Variants in BCL2L13 observed in about 807,000 individuals in gnomAD.
BCL2L13 encodes BCL2 like 13.
In BCL2L13, 13 loss-of-function variants were observed where a neutral mutation model predicts 25.8. The ratio of observed to expected loss-of-function variants is 0.50; its 90% CI spans 0.33 to 0.80. The LOEUF is 0.80. BCL2L13 is among the 30% of genes least tolerant of loss of function. The pLI is 0.02. For missense variants in BCL2L13, 504 were observed against 574.9 expected, an observed-to-expected ratio of 0.88 and a Z score of 1.26; for synonymous variants, 244 against 230.3, an observed-to-expected ratio of 1.06 and a Z score of -0.54.
At chr22:17,671,482 G>T (rs904501370) in intron 2 of BCL2L13, among the ~76,000 whole-genome samples, 1 of 150,544 alleles carries the variant, frequency 6.6e-6, no homozygotes, top group African/African-American at 2.4e-5. Context: ...CAGGGGAATC[G>T]CTTGAACCTG....
chr22:17,658,279 A>G (rs1041534989), intron 2 of BCL2L13, among the ~76,000 whole-genome samples: 2 of 152,216 alleles, frequency 1.3e-5, no homozygotes, highest in African/African-American at 2.4e-5. Context: ...ATGAATATGT[A>G]TGTATGTATT....
intron 2 of BCL2L13, among the ~76,000 whole-genome samples, chr22:17,680,885 G>C (rs2059732763): frequency 6.6e-6 from 1 of 152,124 alleles, no homozygotes; most frequent in Non-Finnish European, 1.5e-5. Flanking sequence ...GCTGCCTATA[G>C]TTTCTTCATA....
intron 6 of BCL2L13, among the ~76,000 whole-genome samples, chr22:17,726,362 A>C (rs1043790144): frequency 3.5e-4 from 53 of 152,012 alleles, no homozygotes; most frequent in African/African-American, 1.1e-3. Context: ...AAAAAAAAAA[A>C]AAAAAAACCT....
At chr22:17,678,160 C>T (rs901604159) in intron 2 of BCL2L13, among the ~76,000 whole-genome samples, 50 of 152,172 alleles carry the variant, frequency 3.3e-4, no homozygotes, top group African/African-American at 1.0e-3. Context: ...GTATCTTGGA[C>T]GATGGGAACA....
At chr22:17,714,481 G>T (rs112299571) in intron 6 of BCL2L13, among the ~76,000 whole-genome samples, 10 of 152,290 alleles carry the variant, frequency 6.6e-5, no homozygotes, top group African/African-American at 2.2e-4. Flanking sequence ...GTGAAGTAAA[G>T]TAGGACTTAA....
chr22:17,636,382 T>A (rs139360032), upstream of BCL2L13, among the ~76,000 whole-genome samples: 819 of 149,590 alleles, frequency 5.5e-3, 4 homozygotes, highest in South Asian at 0.014. Flanking sequence ...TGGTCCTTGA[T>A]ACTTGGGAGG....
chr22:17,683,101 C>G, intron 2 of BCL2L13, 113 bp from the exon 3 acceptor site: 1 of 600,488 alleles, frequency 1.7e-6, no homozygotes, highest in Non-Finnish European at 3.0e-6. Context: ...CCATTGCACT[C>G]CAGCCCCAGT....
At chr22:17,646,953 ATATTTTTTTTTTTTT>A (rs1400757183) in intron 1 of BCL2L13, among the ~76,000 whole-genome samples, 19 of 21,634 alleles carry the variant, frequency 8.8e-4, no homozygotes, top group Non-Finnish European at 1.6e-3. Flanking sequence ...ATATATATAT[ATATTTTTTTTTTTTT>A]TTTTTTTTTT....
rs749765575 is a variant in BCL2L13 at position 17,689,023 on chromosome 22, A to C, written c.267A>C (p.Pro89=). ...CAGGCTTTGACCGTCACACTTCTCCAGTGTTCAGCCCTGCCAATCCAGAAA... is the reference window on the plus strand; with the variant it reads ...CAGGCTTTGACCGTCACACTTCTCCCGTGTTCAGCCCTGCCAATCCAGAAA... ...TSTGFDRHTS[P]VFSPANPESS... Residue 89 remains proline, a synonymous_variant, in exon 4 of 7, where the codon CCA becomes CCC. Transcript: ENST00000317582. The C allele has an allele frequency of 3.1e-6, 5 of 1,613,874 alleles. No individual in the cohort carries two copies. Among genetic ancestry groups the C allele is most frequent in the Non-Finnish European group, 4.2e-6 (5 of 1,179,962 alleles).
chr22:17,668,824 C>T (rs2059322483), intron 2 of BCL2L13, among the ~76,000 whole-genome samples: 1 of 152,098 alleles, frequency 6.6e-6, no homozygotes, highest in Admixed American at 6.6e-5. Context: ...ATAAGTTCTT[C>T]TGCATAGTAC....
At chr22:17,647,891 G>A (rs963416517) in intron 1 of BCL2L13, among the ~76,000 whole-genome samples, 1 of 152,082 alleles carries the variant, frequency 6.6e-6, no homozygotes, top group Non-Finnish European at 1.5e-5. Context: ...CACTTTGGGA[G>A]GCCAAGGTGG....
intron 3 of BCL2L13, among the ~76,000 whole-genome samples, chr22:17,684,880 CTG>C (rs1380846616): frequency 1.3e-5 from 2 of 152,014 alleles, no homozygotes; most frequent in Non-Finnish European, 2.9e-5. Flanking sequence ...CTACAGGCGC[CTG>C]CCACCACACC....
chr22:17,688,667 T>G (rs1309790708), intron 3 of BCL2L13, among the ~76,000 whole-genome samples: 1 of 152,200 alleles, frequency 6.6e-6, no homozygotes, highest in Non-Finnish European at 1.5e-5. Context: ...ATGTCCACAA[T>G]GATTATCTGA....
chr22:17,675,271 C>A (rs2059545655), intron 2 of BCL2L13, among the ~76,000 whole-genome samples: 1 of 152,226 alleles, frequency 6.6e-6, no homozygotes, highest in Admixed American at 6.5e-5. Flanking sequence ...TCAATATCGG[C>A]CAGACGCGGT....
chr22:17,716,364 A>G (rs1332250259), intron 6 of BCL2L13, among the ~76,000 whole-genome samples: 1 of 152,212 alleles, frequency 6.6e-6, no homozygotes, highest in Non-Finnish European at 1.5e-5. Context: ...CATATTTGCA[A>G]AACCTTTTCT....
chr22:17,706,079 T>C (rs2060581320), intron 6 of BCL2L13, among the ~76,000 whole-genome samples: 1 of 152,154 alleles, frequency 6.6e-6, no homozygotes, highest in East Asian at 1.9e-4. Flanking sequence ...AGTGGCATGA[T>C]CATGGCTCAT....
chr22:17,644,880 G>A (rs1349964395), intron 1 of BCL2L13, among the ~76,000 whole-genome samples: 3 of 149,132 alleles, frequency 2.0e-5, no homozygotes, highest in African/African-American at 7.6e-5. Context: ...CACAATCTCA[G>A]CTCACTGCAA....
intron 2 of BCL2L13, among the ~76,000 whole-genome samples, chr22:17,657,036 C>T (rs1409276816): frequency 6.6e-6 from 1 of 152,100 alleles, no homozygotes; most frequent in Non-Finnish European, 1.5e-5. Flanking sequence ...CCAGGCTGAT[C>T]TCAAACTCCT....
chr22:17,726,319 C>G (rs1268971524), intron 6 of BCL2L13, among the ~76,000 whole-genome samples: 2 of 147,294 alleles, frequency 1.4e-5, no homozygotes, highest in African/African-American at 5.0e-5. Context: ...CCACTGCACT[C>G]TAGCCTGGGA....
Sources: allele counts gnomAD v4.1 joint callset (sites outside exome capture counted in the v4.1 genomes callset), GRCh38; gene constraint gnomAD v4.1.1; transcripts MANE v1.5; gene names NCBI Gene and HGNC (gene_info 2026-07-23, HGNC 2026-07-21).